The following DZANK1 variants were observed in gnomAD, a reference collection of about 807,000 sequenced individuals.
The protein encoded by DZANK1 is double zinc ribbon and ankyrin repeat domains 1, also known as double zinc ribbon and ankyrin repeat-containing protein 1.
DZANK1 carries 91 observed loss-of-function variants against 94.5 expected under a neutral mutation model. The observed-to-expected ratio is 0.96, with a 90% CI of 0.81 to 1.15. DZANK1 has a LOEUF of 1.15. Among genes scored for constraint, DZANK1 ranks in the 50% most tolerant of loss-of-function variants. DZANK1 has a pLI of 0.00. For synonymous variants in DZANK1, 312 were observed against 325.3 expected (o/e 0.96, Z 0.44); for missense variants, 903 against 916.4 (o/e 0.99, Z 0.19).
intron 11 of DZANK1, 109 bp downstream of exon 11, chr20:18,415,218 G>C: frequency 8.5e-7 from 1 of 1,175,066 alleles, no homozygotes; most frequent in Non-Finnish European, 1.1e-6. Context: ...GGTACCAGTA[G>C]CGAAATCACA....
chr20:18,452,672 C>T, exon 6 of DZANK1: 1 of 1,607,554 alleles, frequency 6.2e-7, no homozygotes, highest in Non-Finnish European at 8.5e-7. Flanking sequence ...CTGGGATTTC[C>T]AATGGACTCT....
exon 11 of DZANK1, chr20:18,415,376 C>A: frequency 2.5e-6 from 4 of 1,595,668 alleles, no homozygotes; most frequent in Non-Finnish European, 3.4e-6. Context: ...ATTCCAGCGA[C>A]CACATCTGTA....
chr20:18,434,370 C>T (rs1454926414), intron 8 of DZANK1, among the ~76,000 whole-genome samples: 1 of 151,644 alleles, frequency 6.6e-6, no homozygotes, highest in Admixed American at 6.6e-5. Flanking sequence ...CATAGTGAAA[C>T]CCCAGCTCTA....
chr20:18,393,550 G>A (rs1217684580), intron 17 of DZANK1, among the ~76,000 whole-genome samples, 161 bp downstream of exon 17: 2 of 152,168 alleles, frequency 1.3e-5, no homozygotes, highest in African/African-American at 4.8e-5. Context: ...ATAATCTTGA[G>A]ATACTTTAAA....
At chr20:18,455,201 C>A (rs1457232715) in intron 4 of DZANK1, 46 bp downstream of exon 4, 1 of 1,477,614 alleles carries the variant, frequency 6.8e-7, no homozygotes, top group Non-Finnish European at 9.3e-7. Context: ...AAAGAAGGAA[C>A]CAAAATACAG....
At chr20:18,406,528 C>A (rs2056974448) in intron 13 of DZANK1, among the ~76,000 whole-genome samples, 1 of 152,236 alleles carries the variant, frequency 6.6e-6, no homozygotes, top group Non-Finnish European at 1.5e-5. Context: ...GGCCCCTGGG[C>A]CCAAATAACC....
At chr20:18,463,232 C>G (rs2059532998) in intron 2 of DZANK1, among the ~76,000 whole-genome samples, 1 of 152,194 alleles carries the variant, frequency 6.6e-6, no homozygotes, top group African/African-American at 2.4e-5. Flanking sequence ...AGTTGGAGGT[C>G]ATAATCCTAA....
intron 13 of DZANK1, among the ~76,000 whole-genome samples, chr20:18,410,032 C>CAAA (rs33981503): frequency 1.1e-4 from 10 of 90,518 alleles, no homozygotes; most frequent in African/African-American, 3.1e-4. Flanking sequence ...GACTCCGTCT[C>CAAA]AAAAAAAAAA....
At chr20:18,465,501 C>A (rs2148841173) in intron 1 of DZANK1, 124 bp from the exon 2 acceptor site, 1 of 367,424 alleles carries the variant, frequency 2.7e-6, no homozygotes, top group East Asian at 4.0e-5. Context: ...AAATATTATT[C>A]CCTTTTTAAT....
intron 7 of DZANK1, among the ~76,000 whole-genome samples, chr20:18,444,306 G>A (rs948866154): frequency 3.9e-5 from 6 of 152,178 alleles, no homozygotes; most frequent in Admixed American, 1.3e-4. Flanking sequence ...GGGCCCACCC[G>A]CCAGAGCAAC....
intron 13 of DZANK1, among the ~76,000 whole-genome samples, chr20:18,410,471 T>C (rs760203653): frequency 3.3e-5 from 5 of 152,032 alleles, no homozygotes; most frequent in South Asian, 4.1e-4. Flanking sequence ...CTGGAAAATA[T>C]GCAATGCAAA....
At chr20:18,431,071 C>T (rs2058264504) in intron 9 of DZANK1, among the ~76,000 whole-genome samples, 1 of 152,094 alleles carries the variant, frequency 6.6e-6, no homozygotes, top group South Asian at 2.1e-4. Flanking sequence ...AAATTATACA[C>T]TTTTTGGTAT....
At chr20:18,391,167 G>A (rs1248680678) in intron 17 of DZANK1, among the ~76,000 whole-genome samples, 1 of 152,126 alleles carries the variant, frequency 6.6e-6, no homozygotes, top group Admixed American at 6.5e-5. Context: ...CTCCAGCCTG[G>A]GCAACACAGT....
At chr20:18,416,526 G>A (rs1029121431) in intron 10 of DZANK1, among the ~76,000 whole-genome samples, 1 of 152,170 alleles carries the variant, frequency 6.6e-6, no homozygotes, top group African/African-American at 2.4e-5. Context: ...AACTGAATGT[G>A]TATTACCACA....
intron 6 of DZANK1, 58 bp from the exon 7 acceptor site, chr20:18,449,127 A>G: frequency 7.2e-7 from 1 of 1,379,322 alleles, no homozygotes; most frequent in Non-Finnish European, 1.0e-6. Flanking sequence ...AACATGGTAA[A>G]GGCTATGGTA....
chr20:18,415,531 T>C, intron 10 of DZANK1, 82 bp from the exon 11 acceptor site: 1 of 1,299,266 alleles, frequency 7.7e-7, no homozygotes, highest in Non-Finnish European at 9.9e-7. Flanking sequence ...GATAAAAAAT[T>C]CCCAGACAAG....
intron 3 of DZANK1, 120 bp downstream of exon 3, chr20:18,460,033 A>C (rs561467131): frequency 2.7e-6 from 2 of 748,450 alleles, no homozygotes; most frequent in Admixed American, 6.4e-5. Context: ...CTGAAATTAA[A>C]ATAATGTTTC....
chr20:18,396,406 C>T, intron 15 of DZANK1, 66 bp downstream of exon 15: 1 of 1,318,862 alleles, frequency 7.6e-7, no homozygotes, highest in Non-Finnish European at 1.1e-6. Context: ...AGAAGCATTT[C>T]TATAAATTGT....
chr20:18,458,264 T>C (rs2059355303), intron 3 of DZANK1, among the ~76,000 whole-genome samples: 1 of 152,352 alleles, frequency 6.6e-6, no homozygotes, highest in Non-Finnish European at 1.5e-5. Context: ...CCCTGGATCT[T>C]AGGGCGGAAG....
Sources: allele counts gnomAD v4.1 joint callset (sites outside exome capture counted in the v4.1 genomes callset), GRCh38; gene constraint gnomAD v4.1.1; transcripts MANE v1.5; gene names NCBI Gene and HGNC (gene_info 2026-07-23, HGNC 2026-07-21).